Variants in PCDHA2 observed in about 807,000 individuals in gnomAD.
PCDHA2 encodes protocadherin alpha-2.
Under a neutral mutation model 66.0 loss-of-function variants are expected in PCDHA2, and 58 were observed. The ratio of observed to expected loss-of-function variants is 0.88; its 90% CI spans 0.71 to 1.09. The LOEUF is 1.09. Among genes scored for constraint, PCDHA2 ranks in the 50% least tolerant of loss-of-function variants. The pLI, the probability that PCDHA2 is intolerant of heterozygous loss-of-function variation, is 0.00. For missense variants in PCDHA2, 1,267 were observed against 1,242.3 expected (o/e 1.02, Z -0.30); for synonymous variants, 634 against 554.0 (o/e 1.14, Z -2.03).
intron 1 of PCDHA2, chr5:140,801,527 G>A (rs1562179621): frequency 6.2e-7 from 1 of 1,614,236 alleles, no homozygotes; most frequent in Non-Finnish European, 8.5e-7. Context: ...AGGTGATCGT[G>A]GACAGGCCGC....
At chr5:140,862,316 C>G (rs2047308112) in intron 1 of PCDHA2, 1 of 317,936 alleles carries the variant, frequency 3.1e-6, no homozygotes, top group Non-Finnish European at 6.2e-6. Context: ...CGTCATAGCC[C>G]TAATCAGTGT....
At chr5:140,876,750 T>C (rs2056553251) in intron 1 of PCDHA2, 7 of 1,614,238 alleles carry the variant, frequency 4.3e-6, no homozygotes, top group African/African-American at 1.3e-5. Flanking sequence ...TGGTGGTGAC[T>C]GCGCGGGATG....
At chr5:140,926,471 T>G in intron 1 of PCDHA2, 1 of 162,332 alleles carries the variant, frequency 6.2e-6, no homozygotes, top group Non-Finnish European at 1.3e-5. Context: ...GAAAACACCG[T>G]TTAAGGAGAG....
intron 1 of PCDHA2, chr5:140,850,000 G>T: frequency 3.1e-6 from 5 of 1,597,068 alleles, no homozygotes; most frequent in Non-Finnish European, 3.4e-6. Context: ...TTGGGCGAGC[G>T]CTCGCTGTCG....
At chr5:140,876,577 A>T in intron 1 of PCDHA2, 2 of 1,614,182 alleles carry the variant, frequency 1.2e-6, no homozygotes, top group Non-Finnish European at 1.7e-6. Flanking sequence ...GGGTACCGTC[A>T]TTGCCCTGAT....
At chr5:140,823,407 G>A (rs1554129331) in intron 1 of PCDHA2, 18 of 1,613,060 alleles carry the variant, frequency 1.1e-5, no homozygotes, top group Non-Finnish European at 1.4e-5. Flanking sequence ...TGCCGCCTCT[G>A]GGCAGCAACG....
At chr5:140,841,430 G>A in intron 1 of PCDHA2, 1 of 1,612,964 alleles carries the variant, frequency 6.2e-7, no homozygotes, top group Non-Finnish European at 8.5e-7. Flanking sequence ...CTCCGTCCCC[G>A]AGGAGGCCAA....
chr5:140,999,574 A>G (rs2097863527), intron 3 of PCDHA2, among the ~76,000 whole-genome samples: 1 of 152,170 alleles, frequency 6.6e-6, no homozygotes, highest in South Asian at 2.1e-4. Context: ...AAGAGACTAT[A>G]AAGGGAAATT....
intron 3 of PCDHA2, among the ~76,000 whole-genome samples, chr5:140,999,095 G>C (rs1554256620): frequency 6.6e-6 from 1 of 152,202 alleles, no homozygotes; most frequent in African/African-American, 2.4e-5. Flanking sequence ...GAGGGCTATG[G>C]AGAGTAACCT....
chr5:140,956,775 C>T (rs1176979643), intron 1 of PCDHA2, among the ~76,000 whole-genome samples: 1 of 152,112 alleles, frequency 6.6e-6, no homozygotes, highest in Non-Finnish European at 1.5e-5. Context: ...CTGTCTGGTC[C>T]TGGGCTTTGT....
chr5:140,946,142 CAAAT>C (rs1214309556), intron 1 of PCDHA2, among the ~76,000 whole-genome samples: 1 of 151,910 alleles, frequency 6.6e-6, no homozygotes, highest in Non-Finnish European at 1.5e-5. Context: ...AGTAAGAAAA[CAAAT>C]AACACGATTT....
chr5:140,873,065 C>G (rs1436390392), intron 1 of PCDHA2, among the ~76,000 whole-genome samples: 3 of 152,140 alleles, frequency 2.0e-5, no homozygotes, highest in Admixed American at 2.0e-4. Context: ...TCTTGAGAAT[C>G]ATATCTAGCT....
chr5:141,009,062 A>G (rs1466818539), intron 3 of PCDHA2, among the ~76,000 whole-genome samples: 1 of 152,240 alleles, frequency 6.6e-6, no homozygotes, highest in East Asian at 1.9e-4. Context: ...TCACAACTGT[A>G]TTCTTTAGGA....
At chr5:140,968,990 T>C in intron 1 of PCDHA2, 1 of 1,614,254 alleles carries the variant, frequency 6.2e-7, no homozygotes, top group Non-Finnish European at 8.5e-7. Flanking sequence ...CACTGCATGC[T>C]GTGGAGGCTT....
intron 3 of PCDHA2, among the ~76,000 whole-genome samples, chr5:140,999,495 A>G (rs868986339): frequency 6.6e-6 from 1 of 152,142 alleles, no homozygotes; most frequent in South Asian, 2.1e-4. Flanking sequence ...TATGTTACCC[A>G]AGAACCTACA....
intron 1 of PCDHA2, chr5:140,823,555 C>A: frequency 6.2e-7 from 1 of 1,613,846 alleles, no homozygotes; most frequent in Non-Finnish European, 8.5e-7. Flanking sequence ...GGCGAAGGTG[C>A]GCGCAGTGGA....
chr5:140,853,830 G>A lies in PCDHA2; in HGVS notation c.2388+56478G>A, dbSNP rs1424828776. 1.9e-5 allele frequency: 19 copies of A among 986,508 alleles called. 1 individual carries two copies. The highest frequency in any genetic ancestry group is 2.2e-5 in the Non-Finnish European group (18 of 818,674). The allele number at this position is 986,508 out of a possible 1,614,324, so 61.1% of individuals were successfully genotyped here. On this transcript the variant is annotated intron_variant, in intron 1 of 3. Coordinates refer to ENST00000526136, the MANE Select transcript of PCDHA2 (RefSeq NM_018905.3). The stretch of plus-strand genomic sequence containing the variant: ...CACCTGAGATGATTCTCATACAACC[G>A]AAATTTTAGATCCATAGCCCTATTT...
At chr5:140,856,784 T>C in intron 1 of PCDHA2, 2 of 1,596,522 alleles carry the variant, frequency 1.3e-6, no homozygotes, top group Non-Finnish European at 1.7e-6. Flanking sequence ...CAGACCGGTT[T>C]ATGAAGTTAA....
chr5:140,856,019 C>T (rs2043732184), intron 1 of PCDHA2: 1 of 1,551,820 alleles, frequency 6.4e-7, no homozygotes, highest in East Asian at 2.3e-5. Flanking sequence ...ACCGCTGATT[C>T]GTCGATTTGT....
Sources: allele counts gnomAD v4.1 joint callset (sites outside exome capture counted in the v4.1 genomes callset), GRCh38; gene constraint gnomAD v4.1.1; transcripts MANE v1.5; gene names NCBI Gene and HGNC (gene_info 2026-07-23, HGNC 2026-07-21).